STMP1: variants seen among roughly 807,000 people sequenced by gnomAD.
STMP1 encodes the protein mitolamban.
Under a neutral mutation model 7.0 loss-of-function variants are expected in STMP1, and 7 were observed. The ratio of observed to expected loss-of-function variants is 1.01; its 90% confidence interval spans 0.57 to 1.89. The LOEUF (loss-of-function observed/expected upper bound fraction) is 1.89. STMP1 is among the 40% of genes most tolerant of loss of function. The pLI, the probability that STMP1 is intolerant of heterozygous loss-of-function variation, is 0.00. For synonymous variants in STMP1, 19 were observed against 18.4 expected, an observed-to-expected ratio of 1.03 and a Z score of -0.08; for missense variants, 45 against 53.0, an observed-to-expected ratio of 0.85 and a Z score of 0.47.
chr7:135,673,595 AC>A (rs1795378230), intron 2 of STMP1, among the ~76,000 whole-genome samples: 1 of 152,170 alleles, frequency 6.6e-6, no homozygotes, highest in South Asian at 2.1e-4. Context: ...GAAGGAGCAT[AC>A]TTATCTGACA....
rs55978130 is a variant in STMP1 at position 135,666,343 on chromosome 7, A to G, written c.15+3749A>G. The stretch of plus-strand genomic sequence containing the variant: ...ATGCTTCTGAAACCTTTACACTATT[A>G]TGTCTTTGTTTTGTTTTGTTTTTGA... On this transcript the variant is annotated intron_variant, in intron 1 of 2. Coordinates refer to ENST00000507606, the MANE Select transcript of STMP1 (RefSeq NM_001130929.2). Among the ~76,000 whole-genome samples, 561 of 149,732 alleles carry G rather than the reference A, an allele frequency of 3.7e-3. 1 individual carries two copies. The highest frequency in any genetic ancestry group is 0.013 in the African/African-American group (539 of 40,748).
intron 1 of STMP1, among the ~76,000 whole-genome samples, chr7:135,666,887 A>C (rs1382679463): frequency 6.6e-6 from 1 of 152,168 alleles, no homozygotes; most frequent in Non-Finnish European, 1.5e-5. Context: ...ATATACCCTA[A>C]AGTGGGATTG....
intron 1 of STMP1, among the ~76,000 whole-genome samples, chr7:135,666,578 G>A (rs888311834): frequency 5.3e-5 from 8 of 152,072 alleles, no homozygotes; most frequent in African/African-American, 9.7e-5. Context: ...CTGGCCTCAT[G>A]TGATCTGCCC....
Position 135,674,343 on chromosome 7 carries a change from C to G in STMP1, c.*178C>G, listed in dbSNP as rs1236576400. 1 of 554,084 alleles carries G rather than the reference C, an allele frequency of 1.8e-6. No homozygotes were observed. Among genetic ancestry groups the G allele is most frequent in the African/African-American group, 1.9e-5 (1 of 52,552 alleles). 34.3% of individuals were successfully genotyped at this position (554,084 alleles called of 1,614,324 possible). On this transcript the variant is annotated 3_prime_UTR_variant, in exon 3 of 3. Coordinates refer to ENST00000507606, the MANE Select transcript of STMP1 (RefSeq NM_001130929.2). ...ATGGGGCCCCAATTTGAGAACTACCCGACATTTCCAACATACTCACCTCTT... is the reference window on the plus strand; with the variant it reads ...ATGGGGCCCCAATTTGAGAACTACCGGACATTTCCAACATACTCACCTCTT...
chr7:135,671,633 T>A (rs1377410461), intron 1 of STMP1, among the ~76,000 whole-genome samples: 1 of 152,200 alleles, frequency 6.6e-6, no homozygotes. Context: ...AGGAAAATAG[T>A]CACCAAATGA....
intron 1 of STMP1, among the ~76,000 whole-genome samples, chr7:135,666,177 C>A (rs1338219539): frequency 6.6e-6 from 1 of 152,150 alleles, no homozygotes; most frequent in Non-Finnish European, 1.5e-5. Context: ...AAGTGATTTA[C>A]CCACCTCGGT....
chr7:135,662,705 G>T, intron 1 of STMP1, 111 bp downstream of exon 1: 2 of 1,304,276 alleles, frequency 1.5e-6, no homozygotes, highest in Non-Finnish European at 2.1e-6. Context: ...TGGGTCCAGC[G>T]GTCCCTTCGT....
chr7:135,668,477 A>G (rs759598632), intron 1 of STMP1, among the ~76,000 whole-genome samples: 7 of 152,022 alleles, frequency 4.6e-5, no homozygotes, highest in Non-Finnish European at 1.0e-4. Flanking sequence ...ATCTCAGCTC[A>G]CTGTAACCTC....
At chr7:135,666,184 C>T (rs1405745820) in intron 1 of STMP1, among the ~76,000 whole-genome samples, 9 of 152,282 alleles carry the variant, frequency 5.9e-5, no homozygotes, top group African/African-American at 1.7e-4. Context: ...TTACCCACCT[C>T]GGTCTCCCAA....
rs1465051828 is a variant in STMP1, at chr7:135,668,979, C to T, written c.16-3774C>T. Among the ~76,000 whole-genome samples the T allele has an allele frequency of 2.0e-5, 3 of 152,232 alleles. No homozygotes were observed. In the South Asian group the frequency reaches 6.2e-4, roughly 32 times the overall value. On this transcript the variant is annotated intron_variant, in intron 1 of 2. Coordinates refer to ENST00000507606, the MANE Select transcript of STMP1 (RefSeq NM_001130929.2). ...AAAAGGGTTTAATGGACTTACAGTT[C>T]CACATGGCTGGGGAGGCCTCAATCA...
In STMP1 at chr7:135,667,236, A is replaced by C. The variant is rs190718848; in HGVS notation, c.15+4642A>C. Among the ~76,000 whole-genome samples the C allele has an allele frequency of 3.3e-5, 5 of 152,224 alleles. No individual in the cohort carries two copies. In the East Asian group the frequency reaches 9.6e-4, roughly 29 times the overall value. On this transcript the variant is annotated intron_variant, in intron 1 of 2. Coordinates refer to ENST00000507606, the MANE Select transcript of STMP1 (RefSeq NM_001130929.2). ...TTTTATTTATTTATTTTTGAGACGG[A>C]GTCTCGCTTTGTCGCCCAGGCTGGA...
intron 1 of STMP1, among the ~76,000 whole-genome samples, chr7:135,671,505 C>A (rs987023457): frequency 2.6e-5 from 4 of 152,064 alleles, no homozygotes; most frequent in Non-Finnish European, 5.9e-5. Flanking sequence ...AAATTAAGCT[C>A]CAGATGGAGC....
chr7:135,672,503 T>C (rs374511998), intron 1 of STMP1, among the ~76,000 whole-genome samples: 5 of 152,296 alleles, frequency 3.3e-5, no homozygotes, highest in African/African-American at 1.2e-4. Context: ...TTTGTTGTTT[T>C]ATTTTTTTCT....
At chr7:135,662,922 C>G (rs766170574) in intron 1 of STMP1, among the ~76,000 whole-genome samples, 1 of 152,210 alleles carries the variant, frequency 6.6e-6, no homozygotes, top group Admixed American at 6.5e-5. Context: ...TCCTTGATGA[C>G]TTTTCGTAGT....
intron 1 of STMP1, among the ~76,000 whole-genome samples, chr7:135,667,207 T>G (rs1436523551): frequency 6.6e-6 from 1 of 152,194 alleles, no homozygotes; most frequent in Non-Finnish European, 1.5e-5. Context: ...TTATTTTTGT[T>G]TTATTTTATT....
At chr7:135,666,199 C>G (rs184193486) in intron 1 of STMP1, among the ~76,000 whole-genome samples, 3 of 152,306 alleles carry the variant, frequency 2.0e-5, no homozygotes, top group African/African-American at 7.2e-5. Flanking sequence ...TCCCAAAGTG[C>G]TGGGATTACA....
intron 2 of STMP1, 99 bp downstream of exon 2, chr7:135,672,905 TC>T: frequency 2.1e-6 from 2 of 962,856 alleles, no homozygotes; most frequent in Non-Finnish European, 3.2e-6. Flanking sequence ...ATAAATGTAG[TC>T]CATATGGCTG....
At chr7:135,671,289 A>G (rs1234921430) in intron 1 of STMP1, among the ~76,000 whole-genome samples, 2 of 152,232 alleles carry the variant, frequency 1.3e-5, no homozygotes, top group Admixed American at 1.3e-4. Flanking sequence ...GTAAGTTTAA[A>G]GTGTACTAAG....
chr7:135,669,450 C>T (rs1795335619), intron 1 of STMP1, among the ~76,000 whole-genome samples: 1 of 152,172 alleles, frequency 6.6e-6, no homozygotes, highest in Non-Finnish European at 1.5e-5. Flanking sequence ...ACTATTTTAC[C>T]TAGCATTTCT....
Sources: gnomAD v4.1 joint callset for allele counts (sites outside exome capture counted in the v4.1 genomes callset) on GRCh38, gnomAD v4.1.1 for gene constraint, MANE v1.5 for transcripts, NCBI Gene and HGNC (gene_info 2026-07-23, HGNC 2026-07-21) for gene names.